RGMA: variants seen among roughly 807,000 people sequenced by gnomAD.
The protein encoded by RGMA is repulsive guidance molecule A.
RGMA carries 10 observed loss-of-function variants against 23.2 expected under a neutral mutation model. The ratio of observed to expected loss-of-function variants is 0.43; its 90% CI spans 0.27 to 0.73. The LOEUF (loss-of-function observed/expected upper bound fraction) is 0.73, where lower values mean the gene tolerates loss of function less well. RGMA is among the 30% of genes least tolerant of loss of function. The pLI is 0.20. For missense variants in RGMA, 547 were observed against 630.5 expected (o/e 0.87, Z 1.42); for synonymous variants, 308 against 279.3 (o/e 1.10, Z -1.03).
chr15:93,063,938 G>A (rs185468975), intron 2 of RGMA, among the ~76,000 whole-genome samples: 16 of 152,324 alleles, frequency 1.1e-4, no homozygotes, highest in African/African-American at 3.6e-4. Flanking sequence ...TCAGGCAGGA[G>A]GTACTGCCCG....
At chr15:93,058,183 A>G (rs1183873321) in intron 2 of RGMA, among the ~76,000 whole-genome samples, 3 of 152,200 alleles carry the variant, frequency 2.0e-5, no homozygotes, top group Admixed American at 6.5e-5. Flanking sequence ...CCCCACCCAG[A>G]GAGAACTGGA....
chr15:93,053,338 A>G (rs1596085268), intron 2 of RGMA, among the ~76,000 whole-genome samples: 1 of 152,336 alleles, frequency 6.6e-6, no homozygotes, highest in Middle Eastern at 3.4e-3. Context: ...TGCACAGCCC[A>G]TAGTGACCAC....
In RGMA at chr15:93,045,009, C is replaced by G. The variant is rs2054792553; in HGVS notation, c.1342G>C (p.Val448Leu). Residue 448 changes from valine to leucine, a missense_variant, in exon 4 of 4, where the codon GTG becomes CTG. By Grantham distance (32) the Val-to-Leu change is conservative. Around this residue, in one of 3 missense-constraint regions of RGMA, gnomAD observed 205 missense variants for 204.1 expected, o/e 1.00. Coordinates refer to ENST00000329082, the MANE Select transcript of RGMA (RefSeq NM_020211.3). This position sits in a 1 kb window ranked among gnomAD's most constrained non-coding sequence, Gnocchi z 6.9. ...CCACATCTACGCGTCTAGCAGAACA[C>G]AGGGAGCAGGGCCAGGAGCGGGACG... ...ALVPLLALLP[V>L]FC The G allele has an allele frequency of 1.3e-6, 2 of 1,599,160 alleles. No homozygotes were observed. Among genetic ancestry groups the G allele is most frequent in the South Asian group, 2.2e-5 (2 of 89,232 alleles).
rs1417606881 is a variant in RGMA at position 93,038,614 on chromosome 15, C to G, written c.*6384G>C. On this transcript the variant is annotated 3_prime_UTR_variant, in exon 4 of 4. Transcript: ENST00000329082. ...ACGGTGTCTTGCTCTGTCGCCCAGG[C>G]TGGAGGCTGGAGTGCAGTGGTGCGA... 1 of 133,912 alleles carries G rather than the reference C, an allele frequency of 7.5e-6. No individual in the cohort carries two copies. The highest frequency in any genetic ancestry group is 2.7e-5 in the African/African-American group (1 of 37,066). 8.3% of individuals were successfully genotyped at this position (133,912 alleles called of 1,614,324 possible).
chr15:93,072,857 C>A, intron 2 of RGMA, 59 bp downstream of exon 2: 1 of 1,551,150 alleles, frequency 6.4e-7, no homozygotes, highest in Admixed American at 1.9e-5. Flanking sequence ...CACATCTGGC[C>A]CAGCATTGAG....
At chr15:93,084,693 G>A (rs928607724) in intron 1 of RGMA, among the ~76,000 whole-genome samples, 3 of 152,066 alleles carry the variant, frequency 2.0e-5, no homozygotes, top group African/African-American at 4.8e-5. Flanking sequence ...TGCTGGTCTC[G>A]AACCCCTGAC....
At chr15:93,046,115 G>A (rs188603665) in intron 3 of RGMA, among the ~76,000 whole-genome samples, 1 of 152,178 alleles carries the variant, frequency 6.6e-6, no homozygotes, top group Non-Finnish European at 1.5e-5. Context: ...CCCTTAGATG[G>A]CAAAAGGGAC....
At position 93,041,686 on chromosome 15, in the gene RGMA, C is replaced by G. The variant is rs1429764187; in HGVS notation, c.*3312G>C. ...GACGAGCACCAATGGCTCCGCTCCT[C>G]CTTGCTGCCTCCCTGAGTCGCTCTG... is the stretch of plus-strand genomic sequence containing the variant. On this transcript the variant is annotated 3_prime_UTR_variant, in exon 4 of 4. Transcript: ENST00000329082. The G allele has an allele frequency of 6.6e-6, 1 of 152,222 alleles. No individual in the cohort carries two copies. Among genetic ancestry groups the G allele is most frequent in the Non-Finnish European group, 1.5e-5 (1 of 68,066 alleles). 9.4% of individuals were successfully genotyped at this position (152,222 alleles called of 1,614,324 possible).
intron 1 of RGMA, among the ~76,000 whole-genome samples, chr15:93,083,259 G>C (rs1210615174): frequency 6.6e-6 from 1 of 152,200 alleles, no homozygotes; most frequent in Non-Finnish European, 1.5e-5. Context: ...AGCTTTTTTT[G>C]TCATATGATC....
At chr15:93,087,125 G>T (rs907564401) in intron 1 of RGMA, among the ~76,000 whole-genome samples, 4 of 152,164 alleles carry the variant, frequency 2.6e-5, no homozygotes, top group Non-Finnish European at 4.4e-5. Context: ...AAAAAAGGAG[G>T]CTAAGACCTC....
At chr15:93,049,275 C>T (rs574977262) in intron 3 of RGMA, among the ~76,000 whole-genome samples, 16 of 152,270 alleles carry the variant, frequency 1.1e-4, no homozygotes, top group Admixed American at 5.9e-4. Context: ...TCGGGGTACA[C>T]GAGGGAGAAG....
intron 2 of RGMA, chr15:93,065,641 G>A (rs2141831234): frequency 1.1e-6 from 1 of 924,386 alleles, no homozygotes. Flanking sequence ...AGGTCTCAGG[G>A]GCTGCGGGCT....
At chr15:93,047,072 C>T (rs1457108365) in intron 3 of RGMA, among the ~76,000 whole-genome samples, 1 of 152,210 alleles carries the variant, frequency 6.6e-6, no homozygotes, top group Non-Finnish European at 1.5e-5. Context: ...TGCCTAAGGT[C>T]ACACAGCCAG....
rs775358409 is a variant in RGMA at position 93,045,611 on chromosome 15, G to C, written c.740C>G (p.Ser247Cys). 1.9e-6 allele frequency: 3 copies of C among 1,613,138 alleles called. No homozygotes were observed. The highest frequency in any genetic ancestry group is 2.7e-5 in the African/African-American group (2 of 74,910). ...CCCGTGCTTGTCCCCACCGTTCTTAGAGCCATCCACGAAGGCGGCCGGGAG... is the reference window on the plus strand; with the variant it reads ...CCCGTGCTTGTCCCCACCGTTCTTACAGCCATCCACGAAGGCGGCCGGGAG... ...DELPAAFVDG[S>C]KNGGDKHGAN... Residue 247 changes from serine (S) to cysteine (C), a missense_variant, in exon 4 of 4, where the codon TCT becomes TGT. Around this residue, in one of 3 missense-constraint regions of RGMA, gnomAD observed 128 missense variants for 191.7 expected, o/e 0.67. Transcript: ENST00000329082. This position sits in a 1 kb window ranked among gnomAD's most constrained non-coding sequence, Gnocchi z 6.9.
chr15:93,067,077 C>T (rs551337087), intron 2 of RGMA, among the ~76,000 whole-genome samples: 2 of 152,308 alleles, frequency 1.3e-5, no homozygotes, highest in South Asian at 2.1e-4. Context: ...TCAAATGATC[C>T]TACTTTGGAG....
chr15:93,036,806 A>G lies in RGMA; in HGVS notation c.*8192T>C, dbSNP rs1340906312. 1 of 152,300 alleles carries G rather than the reference A, an allele frequency of 6.6e-6. No individual in the cohort carries two copies. Among genetic ancestry groups the G allele is most frequent in the African/African-American group, 2.4e-5 (1 of 41,456 alleles). The allele number at this position is 152,300 out of a possible 1,614,324, so 9.4% of individuals were successfully genotyped here. A position where few individuals can be genotyped will look rare whatever the true frequency, so the allele number is the denominator to read the frequency against. ...TGGGGTGGACGCGTGCTCTCCTACC[A>G]GACCCTGCTTGTAACCTGGAGTGGG... On this transcript the variant is annotated 3_prime_UTR_variant, in exon 4 of 4. Transcript: ENST00000329082.
intron 1 of RGMA, chr15:93,073,290 G>T (rs938161045): frequency 2.5e-6 from 2 of 789,604 alleles, no homozygotes; most frequent in Non-Finnish European, 3.3e-6. Context: ...CAGCGAGGCC[G>T]GCGAGGTAGC....
chr15:93,065,141 C>A (rs1895100571), intron 2 of RGMA, among the ~76,000 whole-genome samples: 1 of 152,106 alleles, frequency 6.6e-6, no homozygotes, highest in Non-Finnish European at 1.5e-5. Context: ...CAATGCCCAG[C>A]TAATTTTTTT....
intron 3 of RGMA, among the ~76,000 whole-genome samples, chr15:93,049,935 T>C (rs959100795): frequency 6.6e-6 from 1 of 152,200 alleles, no homozygotes; most frequent in South Asian, 2.1e-4. Context: ...CCTCATCATC[T>C]TGGAGATGAA....
Sources: allele counts gnomAD v4.1 joint callset (sites outside exome capture counted in the v4.1 genomes callset), GRCh38; gene constraint gnomAD v4.1.1; regional missense constraint gnomAD v4.1.1; non-coding constraint Gnocchi (gnomAD v3.1); transcripts MANE v1.5; gene names NCBI Gene and HGNC (gene_info 2026-07-23, HGNC 2026-07-21).